CREBBP: variants seen among roughly 807,000 people sequenced by gnomAD.
CREBBP encodes the protein CREB binding lysine acetyltransferase, also known as CREB-binding protein.
A neutral mutation model predicts 265.0 loss-of-function variants in CREBBP; 19 were observed. That is an observed-to-expected ratio of 0.07 (90% CI 0.05 to 0.11). The LOEUF (loss-of-function observed/expected upper bound fraction) is 0.11, where lower values mean the gene tolerates loss of function less well. Among genes scored for constraint, CREBBP ranks in the 10% least tolerant of loss-of-function variants. The pLI, the probability that CREBBP is intolerant of heterozygous loss-of-function variation, is 1.00. For synonymous variants in CREBBP, 1,457 were observed against 1,223.7 expected (o/e 1.19, Z -3.98); for missense variants, 2,525 against 3,219.0 (o/e 0.78, Z 5.22).
chr16:3,819,745 G>A (rs538838647), intron 2 of CREBBP, among the ~76,000 whole-genome samples: 9 of 152,198 alleles, frequency 5.9e-5, no homozygotes, highest in Admixed American at 5.9e-4. Flanking sequence ...AACTCAGGGT[G>A]TTTATTTCAA....
Position 3,729,820 on chromosome 16 carries a change from C to T in CREBBP, c.5227G>A (p.Val1743Met). 3 of 1,605,374 alleles carry T rather than the reference C, an allele frequency of 1.9e-6. No individual in the cohort carries two copies. The highest frequency in any genetic ancestry group is 2.5e-6 in the Non-Finnish European group (3 of 1,179,956). Reference sequence around the variant, plus strand: ...TCATCCAGGCCCAGCCCCCACTTCACCATCTTATGGGCATGGCTCTTCGTG... The same window carrying T: ...TCATCCAGGCCCAGCCCCCACTTCATCATCTTATGGGCATGGCTCTTCGTG... ...YNTKSHAHKMVKWGLGLDDEG... is the reference protein window; with the variant it reads ...YNTKSHAHKMMKWGLGLDDEG... Residue 1743 changes from valine (V) to methionine (M), a missense_variant, in exon 31 of 31, where the codon GTG becomes ATG. Val to Met is a conservative substitution (Grantham distance 21). Coordinates refer to ENST00000262367, the MANE Select transcript of CREBBP (RefSeq NM_004380.3).
chr16:3,751,666 G>GA, intron 20 of CREBBP, 60 bp downstream of exon 20: 1 of 1,533,804 alleles, frequency 6.5e-7, no homozygotes, highest in East Asian at 2.2e-5. Context: ...TTGGTAAGAG[G>GA]AAAAAACAAT....
chr16:3,823,466 G>A (rs1256103749), intron 2 of CREBBP, among the ~76,000 whole-genome samples: 1 of 152,172 alleles, frequency 6.6e-6, no homozygotes, highest in Admixed American at 6.5e-5. Flanking sequence ...CCTGTGGCTA[G>A]AAGACATTTC....
At chr16:3,741,041 G>C (rs1567273513) in intron 23 of CREBBP, 2 of 222,220 alleles carry the variant, frequency 9.0e-6, no homozygotes, top group African/African-American at 5.4e-5. Context: ...TGCCTCAGGA[G>C]CTGGCAAAGT....
chr16:3,798,082 A>G (rs1035209239), intron 3 of CREBBP, among the ~76,000 whole-genome samples: 1 of 152,222 alleles, frequency 6.6e-6, no homozygotes, highest in Non-Finnish European at 1.5e-5. Context: ...GGAGGGAGGG[A>G]TCGTTTCTCA....
intron 21 of CREBBP, among the ~76,000 whole-genome samples, chr16:3,747,454 C>T (rs2052368285): frequency 6.6e-6 from 1 of 152,114 alleles, no homozygotes; most frequent in African/African-American, 2.4e-5. Flanking sequence ...GTCATCTTGT[C>T]CAGGAAACCA....
Position 3,729,218 on chromosome 16 carries a change from C to G in CREBBP, c.5829G>C (p.Pro1943=). 6.6e-7 allele frequency: 1 copy of G among 1,525,850 alleles called. No individual in the cohort carries two copies. The highest frequency in any genetic ancestry group is 8.8e-7 in the Non-Finnish European group (1 of 1,141,840). The allele number at this position is 1,525,850 out of a possible 1,614,324, so 94.5% of individuals were successfully genotyped here. The part of the protein sequence containing the change: ...VSTGKPTSQV[P]APPPPAQPPP... ...GGGGCTGGGCCGGGGGTGGGGGGGC[C>G]GGCACCTGGCTGGTAGGCTTCCCTG... The change falls in exon 31 of 31, where the codon CCG becomes CCC. Residue 1943 remains proline, a synonymous_variant. Coordinates refer to ENST00000262367, the MANE Select transcript of CREBBP (RefSeq NM_004380.3).
rs573424100 is a variant in CREBBP at position 3,765,864 on chromosome 16, G to A, written c.3250+1856C>T. On this transcript the variant is annotated intron_variant, in intron 16 of 30. Transcript: ENST00000262367. ...TCGCCATGTTGCCTAGGCTGCTCTC[G>A]AACTCCTGAGCTCCAGGCTAGAGTG... 1.1e-3 allele frequency among the ~76,000 whole-genome samples: 162 copies of A among 151,942 alleles called. 1 individual carries two copies. Among genetic ancestry groups the A allele is most frequent in the Non-Finnish European group, 1.4e-3 (92 of 67,972 alleles).
intron 3 of CREBBP, among the ~76,000 whole-genome samples, chr16:3,801,695 C>G (rs999442582): frequency 2.0e-5 from 3 of 152,142 alleles, no homozygotes; most frequent in African/African-American, 7.2e-5. Flanking sequence ...AACGGGGTAA[C>G]AGTCCCTAGC....
intron 1 of CREBBP, among the ~76,000 whole-genome samples, chr16:3,863,638 T>A (rs2055121137): frequency 6.6e-6 from 1 of 152,090 alleles, no homozygotes; most frequent in Non-Finnish European, 1.5e-5. Flanking sequence ...TAGACAGTCC[T>A]TATTCAAAGT....
At chr16:3,740,621 T>G in intron 23 of CREBBP, 72 bp from the exon 24 acceptor site, 1 of 1,553,858 alleles carries the variant, frequency 6.4e-7, no homozygotes, top group Non-Finnish European at 8.9e-7. Context: ...GACTAGAGAA[T>G]CCACCCCACT....
At chr16:3,742,482 G>GT (rs2052240517) in intron 23 of CREBBP, 1 of 152,166 alleles carries the variant, frequency 6.6e-6, no homozygotes, top group African/African-American at 2.4e-5. Context: ...CATTCAACTT[G>GT]TATCTTCATC....
chr16:3,851,117 G>A (rs781524562), intron 1 of CREBBP, 108 bp from the exon 2 acceptor site: 34 of 909,502 alleles, frequency 3.7e-5, no homozygotes, highest in Non-Finnish European at 5.3e-5. Context: ...ACGAACACTA[G>A]CATGTCTTAA....
chr16:3,853,643 A>G lies in CREBBP; in HGVS notation c.86-2634T>C, dbSNP rs867185201. ...TCTCAAAAAAACAAACAAACAAAAA[A>G]CACCATACATCGGCCAGGCACGGTA... On this transcript the variant is annotated intron_variant, in intron 1 of 30. Transcript: ENST00000262367. Among the ~76,000 whole-genome samples, 224 of 144,700 alleles carry G rather than the reference A, an allele frequency of 1.5e-3. 5 individuals carry two copies. Among genetic ancestry groups the G allele is most frequent in the Middle Eastern group, 0.013 (3 of 232 alleles). The allele number at this position is 144,700 out of a possible 152,430, so 94.9% of individuals were successfully genotyped here. A position where few individuals can be genotyped will look rare whatever the true frequency, so the allele number is the denominator to read the frequency against.
At chr16:3,828,009 T>C (rs1390186062) in intron 2 of CREBBP, among the ~76,000 whole-genome samples, 4 of 152,120 alleles carry the variant, frequency 2.6e-5, no homozygotes, top group South Asian at 2.1e-4. Context: ...CTTTAAAAAA[T>C]AATGTTTAAG....
chr16:3,783,651 G>C (rs1391652764), intron 5 of CREBBP, among the ~76,000 whole-genome samples: 1 of 152,228 alleles, frequency 6.6e-6, no homozygotes, highest in South Asian at 2.1e-4. Context: ...TCGCAATTCT[G>C]CATGGGTCTT....
chr16:3,829,039 C>G (rs1597015566), intron 2 of CREBBP, among the ~76,000 whole-genome samples: 3 of 148,916 alleles, frequency 2.0e-5, no homozygotes, highest in Admixed American at 2.0e-4. Flanking sequence ...TAGTCATATA[C>G]ATAATTTTGA....
In CREBBP at chr16:3,770,938, G is replaced by C; in HGVS notation, c.2512C>G (p.Pro838Ala). ...ALPNPLNMLG[P>A]QASQLPCPPV... ...GGGCAAGGTAGCTGGCTGGCCTGAG[G>C]CCCCAGCATGTTGAGAGGGTTAGGA... The change falls in exon 14 of 31, where the codon CCT (proline) becomes GCT (alanine). Residue 838 changes from proline (P) to alanine (A), a missense_variant. By Grantham distance (27) the Pro-to-Ala change is conservative. Coordinates refer to ENST00000262367, the MANE Select transcript of CREBBP (RefSeq NM_004380.3). 1 of 1,613,732 alleles carries C rather than the reference G, an allele frequency of 6.2e-7. No homozygotes were observed. The highest frequency in any genetic ancestry group is 1.3e-5 in the African/African-American group (1 of 74,986).
At chr16:3,775,664 T>C (rs369907381) in intron 11 of CREBBP, among the ~76,000 whole-genome samples, 1 of 152,232 alleles carries the variant, frequency 6.6e-6, no homozygotes, top group South Asian at 2.1e-4. Flanking sequence ...CCTTGAGAAT[T>C]TTTTTAAACA....
Sources: gnomAD v4.1 joint callset for allele counts (sites outside exome capture counted in the v4.1 genomes callset) on GRCh38, gnomAD v4.1.1 for gene constraint, MANE v1.5 for transcripts, NCBI Gene and HGNC (gene_info 2026-07-23, HGNC 2026-07-21) for gene names.